Variants in PRIM2 observed in about 807,000 individuals in gnomAD.
PRIM2 encodes DNA primase subunit 2, also known as DNA primase large subunit.
In PRIM2, 39 loss-of-function variants were observed where a neutral mutation model predicts 67.3. The ratio of observed to expected loss-of-function variants is 0.58; its 90% CI spans 0.45 to 0.76. The LOEUF (loss-of-function observed/expected upper bound fraction) is 0.76, where lower values mean the gene tolerates loss of function less well. Ranked by LOEUF, PRIM2 falls within the 30% of genes least tolerant of loss-of-function variation. The pLI, the probability that PRIM2 is intolerant of heterozygous loss-of-function variation, is 0.00. For synonymous variants in PRIM2, 143 were observed against 198.7 expected (o/e 0.72, Z 2.36); for missense variants, 398 against 598.7 (o/e 0.66, Z 3.50).
In PRIM2 at chr6:57,455,083, T is replaced by C. The variant is rs1367523102; in HGVS notation, c.694-52304T>C. On this transcript the variant is annotated intron_variant, in intron 7 of 13. Coordinates refer to ENST00000615550, the MANE Select transcript of PRIM2 (RefSeq NM_000947.5). ...AGGAGCAGGTTGTTCAGTTTCCATG[T>C]AGTTGAGCGGTTTTGAGTGAGTTTC... Among the ~76,000 whole-genome samples, 193 of 152,302 alleles carry C rather than the reference T, an allele frequency of 1.3e-3. 4 individuals carry two copies. The East Asian group carries it at 0.016, about 13-fold the overall frequency.
intron 10 of PRIM2, among the ~76,000 whole-genome samples, chr6:57,585,642 A>C (rs1776174948): frequency 6.6e-6 from 1 of 152,174 alleles, no homozygotes; most frequent in East Asian, 1.9e-4. Flanking sequence ...AGGGTGATCA[A>C]ATATTGAAGG....
intron 5 of PRIM2, among the ~76,000 whole-genome samples, chr6:57,337,668 C>A (rs1478633615): frequency 2.6e-5 from 4 of 151,978 alleles, no homozygotes; most frequent in Non-Finnish European, 4.4e-5. Flanking sequence ...CCAACGAGAA[C>A]AAAGACACAA....
intron 8 of PRIM2, among the ~76,000 whole-genome samples, chr6:57,511,309 A>G (rs1774362649): frequency 6.6e-6 from 1 of 152,182 alleles, no homozygotes; most frequent in Admixed American, 6.5e-5. Flanking sequence ...ATGGCAGTAC[A>G]ACTGTGTTTT....
intron 7 of PRIM2, among the ~76,000 whole-genome samples, chr6:57,407,617 G>T (rs1313794941): frequency 1.3e-5 from 2 of 152,192 alleles, no homozygotes; most frequent in African/African-American, 2.4e-5. Flanking sequence ...TTTGCATATT[G>T]CGGGTTAGGC....
intron 4 of PRIM2, among the ~76,000 whole-genome samples, chr6:57,325,517 C>T (rs1767819966): frequency 6.6e-6 from 1 of 152,104 alleles, no homozygotes; most frequent in Admixed American, 6.5e-5. Flanking sequence ...TGGTCTCAAA[C>T]TTCTGGGCTC....
At chr6:57,251,856 T>C in the PRIM2 span, among the ~76,000 whole-genome samples, 2 of 152,232 alleles carry the variant, frequency 1.3e-5, no homozygotes, top group African/African-American at 4.8e-5. Context: ...GCTTATCAAC[T>C]TTCCTAAAAT....
At chr6:57,227,723 C>A in the PRIM2 span, among the ~76,000 whole-genome samples, 1 of 151,352 alleles carries the variant, frequency 6.6e-6, no homozygotes, top group Non-Finnish European at 1.5e-5. Flanking sequence ...ATTTGATTAA[C>A]CTTATTTGTA....
At chr6:57,418,271 CA>C (rs1328307521) in intron 7 of PRIM2, among the ~76,000 whole-genome samples, 4 of 140,268 alleles carry the variant, frequency 2.9e-5, no homozygotes, top group African/African-American at 8.1e-5. Context: ...TTATTTTGGT[CA>C]AAAGGAAGTT....
chr6:57,413,468 A>G (rs1349124225), intron 7 of PRIM2, among the ~76,000 whole-genome samples: 1 of 151,912 alleles, frequency 6.6e-6, no homozygotes. Flanking sequence ...GCAAATTCCA[A>G]CAATACAAAA....
intron 9 of PRIM2, 21 bp downstream of exon 9, chr6:57,532,504 A>T: frequency 8.1e-7 from 1 of 1,237,686 alleles, no homozygotes; most frequent in Non-Finnish European, 1.1e-6. Context: ...CATTATTTTA[A>T]ACTTAGAACT....
chr6:57,594,724 G>T (rs1351255522), intron 10 of PRIM2, among the ~76,000 whole-genome samples: 1 of 151,936 alleles, frequency 6.6e-6, no homozygotes, highest in Non-Finnish European at 1.5e-5. Context: ...ATTTCTAAAG[G>T]ACAACATAAA....
the PRIM2 span, among the ~76,000 whole-genome samples, chr6:57,282,803 A>G: frequency 6.6e-6 from 1 of 152,206 alleles, no homozygotes; most frequent in South Asian, 2.1e-4. Context: ...TCTGGCCTCC[A>G]GAACCATAAG....
At chr6:57,509,949 G>A (rs1261949042) in intron 8 of PRIM2, among the ~76,000 whole-genome samples, 1 of 151,144 alleles carries the variant, frequency 6.6e-6, no homozygotes, top group Admixed American at 6.6e-5. Context: ...TTCTCCTCAT[G>A]CTCCACTTTT....
the PRIM2 span, among the ~76,000 whole-genome samples, chr6:57,239,627 A>G: frequency 6.6e-6 from 1 of 152,152 alleles, no homozygotes; most frequent in Admixed American, 6.5e-5. Flanking sequence ...CTGTATTCTC[A>G]GCTACTCGGG....
chr6:57,254,544 C>T, the PRIM2 span, among the ~76,000 whole-genome samples: 2 of 152,202 alleles, frequency 1.3e-5, no homozygotes, highest in Non-Finnish European at 2.9e-5. Flanking sequence ...CGAGCTAGTG[C>T]CCTTATACAA....
intron 7 of PRIM2, among the ~76,000 whole-genome samples, chr6:57,411,762 A>G (rs1332426582): frequency 1.3e-5 from 2 of 152,082 alleles, no homozygotes; most frequent in Non-Finnish European, 2.9e-5. Flanking sequence ...AGGGATGTTG[A>G]TCTAGACTTT....
At chr6:57,466,260 T>C (rs1773187810) in intron 7 of PRIM2, among the ~76,000 whole-genome samples, 1 of 152,242 alleles carries the variant, frequency 6.6e-6, no homozygotes, top group Non-Finnish European at 1.5e-5. Context: ...TTTGCTATTG[T>C]GAACAGTGCT....
chr6:57,637,186 TAACA>T (rs1777136696), intron 13 of PRIM2, among the ~76,000 whole-genome samples: 1 of 152,056 alleles, frequency 6.6e-6, no homozygotes, highest in Admixed American at 6.5e-5. Context: ...GAAGGAAAAT[TAACA>T]AACAGAAAGG....
chr6:57,613,212 CA>C (rs1362277170), intron 12 of PRIM2, among the ~76,000 whole-genome samples: 1 of 151,882 alleles, frequency 6.6e-6, no homozygotes, highest in South Asian at 2.1e-4. Flanking sequence ...AAAGTATAAA[CA>C]TATAATTTAG....
Sources: gnomAD v4.1 joint callset for allele counts (sites outside exome capture counted in the v4.1 genomes callset) on GRCh38, gnomAD v4.1.1 for gene constraint, MANE v1.5 for transcripts, NCBI Gene and HGNC (gene_info 2026-07-23, HGNC 2026-07-21) for gene names.